The following ZNF398 variants were observed in gnomAD, a reference collection of about 807,000 sequenced individuals.
ZNF398 encodes the protein zinc finger DNA binding protein ZER6.
In ZNF398, 18 loss-of-function variants were observed where a neutral mutation model predicts 41.9. The ratio of observed to expected loss-of-function variants is 0.43; its 90% CI spans 0.30 to 0.64. ZNF398 has a LOEUF of 0.64. Ranked by LOEUF, ZNF398 falls within the 30% of genes least tolerant of loss-of-function variation. The pLI, the probability that ZNF398 is intolerant of heterozygous loss-of-function variation, is 0.14. For synonymous variants in ZNF398, 260 were observed against 308.8 expected (o/e 0.84, Z 1.66); for missense variants, 669 against 822.8 (o/e 0.81, Z 2.29).
At position 149,180,300 on chromosome 7, in the gene ZNF398, G is replaced by T. The variant is rs779059513; in HGVS notation, c.*499G>T. On this transcript the variant is annotated 3_prime_UTR_variant, in exon 6 of 6. Transcript: ENST00000475153. ...AAGTGCTTAAGCCACTGTTTATGTT[G>T]CTGCCTCCTCTCTCAAAACCAGCCA... 109 of 152,820 alleles carry T rather than the reference G, an allele frequency of 7.1e-4. No individual in the cohort carries two copies. The highest frequency in any genetic ancestry group is 1.3e-3 in the Non-Finnish European group (89 of 68,522). The allele number at this position is 152,820 out of a possible 1,614,324, so 9.5% of individuals were successfully genotyped here.
chr7:149,150,634 T>C (rs1827086751), intron 1 of ZNF398, among the ~76,000 whole-genome samples: 1 of 152,112 alleles, frequency 6.6e-6, no homozygotes, highest in Non-Finnish European at 1.5e-5. Context: ...ATCTCAGTTT[T>C]CCTTACAGAC....
chr7:149,128,746 CTG>C (rs1012426911), intron 1 of ZNF398: 8 of 10,214 alleles, frequency 7.8e-4, no homozygotes, highest in Non-Finnish European at 2.1e-3. Flanking sequence ...GAGGGAGACT[CTG>C]TCTCAAAAAA....
intron 4 of ZNF398, among the ~76,000 whole-genome samples, chr7:149,169,535 T>G (rs954676567): frequency 6.6e-6 from 1 of 152,176 alleles, no homozygotes; most frequent in Admixed American, 6.5e-5. Flanking sequence ...CAGTGCAGCC[T>G]GTGCCTCCTG....
intron 2 of ZNF398, among the ~76,000 whole-genome samples, chr7:149,141,326 G>A (rs1456390872): frequency 6.9e-6 from 1 of 145,954 alleles, no homozygotes; most frequent in Non-Finnish European, 1.5e-5. Context: ...ACAGAGTTTC[G>A]CTCTTGTGGC....
In ZNF398 at chr7:149,153,987, C is replaced by T. The variant is rs758874848; in HGVS notation, c.67C>T (p.Leu23Phe). Residue 23 changes from leucine (L) to phenylalanine (F), a missense_variant, in exon 2 of 6, where the codon CTT becomes TTT. Transcript: ENST00000475153. Reference protein sequence around the residue: ...DSECLTSLQPLPLPTPPAANE... With the variant: ...DSECLTSLQPFPLPTPPAANE... ...CGAGTGCCTTACATCCCTGCAGCCC[C>T]TTCCTCTTCCTACACCCCCAGCAGC... is the stretch of plus-strand genomic sequence containing the variant. The T allele has an allele frequency of 1.9e-6, 3 of 1,614,060 alleles. No homozygotes were observed. The highest frequency in any genetic ancestry group is 2.5e-6 in the Non-Finnish European group (3 of 1,179,986).
rs945401760 is a variant in ZNF398, at chr7:149,154,041, A to G, written c.121A>G (p.Ile41Val). The G allele has an allele frequency of 5.0e-6, 8 of 1,614,152 alleles. No individual in the cohort carries two copies. The highest frequency in any genetic ancestry group is 1.7e-5 in the Admixed American group (1 of 60,010). Residue 41 changes from isoleucine (I) to valine (V), a missense_variant, in exon 2 of 6, where the codon ATC becomes GTC. By Grantham distance (29) the Ile-to-Val change is conservative (BLOSUM62 3). This residue lies in a region of ZNF398 where 169 missense variants were observed against 239.5 expected (regional missense o/e 0.71). Coordinates refer to ENST00000475153, the MANE Select transcript of ZNF398 (RefSeq NM_170686.3). Reference protein sequence around the residue: ...ANEAHLQTAAISLWTVVAAVQ... With the variant: ...ANEAHLQTAAVSLWTVVAAVQ... ...TGAGGCACACCTGCAGACAGCAGCT[A>G]TCTCTCTGTGGACAGTGGTGGCCGC... is the stretch of plus-strand genomic sequence containing the variant.
chr7:149,155,160 A>G (rs1458166527), intron 2 of ZNF398, among the ~76,000 whole-genome samples: 1 of 148,544 alleles, frequency 6.7e-6, no homozygotes, highest in Non-Finnish European at 1.5e-5. Context: ...GGTGGCTCAC[A>G]CCTGTAAACC....
At chr7:149,172,332 G>A (rs573315227) in intron 4 of ZNF398, among the ~76,000 whole-genome samples, 11 of 152,252 alleles carry the variant, frequency 7.2e-5, no homozygotes, top group African/African-American at 2.4e-4. Flanking sequence ...CTCATCTGGG[G>A]CGTGAATCAT....
At chr7:149,162,260 T>G (rs1795121795) in intron 2 of ZNF398, among the ~76,000 whole-genome samples, 1 of 151,968 alleles carries the variant, frequency 6.6e-6, no homozygotes, top group African/African-American at 2.4e-5. Context: ...CGGCTCACTG[T>G]AACCTTCGCC....
chr7:149,165,637 A>C (rs1214731480), intron 2 of ZNF398, among the ~76,000 whole-genome samples: 1 of 152,220 alleles, frequency 6.6e-6, no homozygotes, highest in African/African-American at 2.4e-5. Context: ...CATGCCTCCA[A>C]AATCAATCCT....
At chr7:149,153,055 C>T (rs1794888024) in intron 1 of ZNF398, among the ~76,000 whole-genome samples, 2 of 152,132 alleles carry the variant, frequency 1.3e-5, no homozygotes, top group South Asian at 4.2e-4. Flanking sequence ...GACGGGATTT[C>T]ACCATGTTGG....
chr7:149,169,173 A>AC (rs1319745123), intron 4 of ZNF398, among the ~76,000 whole-genome samples: 1 of 152,100 alleles, frequency 6.6e-6, no homozygotes, highest in Non-Finnish European at 1.5e-5. Flanking sequence ...GTTTGTTTTT[A>AC]CCATGGGTTT....
At chr7:149,155,730 AATT>A (rs1303435783) in intron 2 of ZNF398, among the ~76,000 whole-genome samples, 50 of 92,366 alleles carry the variant, frequency 5.4e-4, no homozygotes, top group African/African-American at 2.0e-3. Flanking sequence ...TTTTTTTTTT[AATT>A]TTTTTTTTTT....
At chr7:149,173,863 G>A (rs529806122) in intron 4 of ZNF398, among the ~76,000 whole-genome samples, 65 of 143,146 alleles carry the variant, frequency 4.5e-4, no homozygotes, top group African/African-American at 1.6e-3. Context: ...GCGCTATCTC[G>A]GCTCACCGCA....
intron 2 of ZNF398, among the ~76,000 whole-genome samples, chr7:149,131,268 T>C (rs1322960149): frequency 6.6e-6 from 1 of 152,242 alleles, no homozygotes; most frequent in East Asian, 1.9e-4. Context: ...TATTACGTGC[T>C]AAATTGCCAA....
chr7:149,135,961 A>G (rs954983774), intron 2 of ZNF398, among the ~76,000 whole-genome samples: 3 of 152,122 alleles, frequency 2.0e-5, no homozygotes, highest in African/African-American at 7.2e-5. Flanking sequence ...CCAAAAACTA[A>G]TAACAATAAT....
At position 149,176,587 on chromosome 7, in the gene ZNF398, T is replaced by C; in HGVS notation, c.775+6T>C. On this transcript the variant is annotated splice_donor_region_variant and intron_variant, in intron 5 of 5. Transcript: ENST00000475153. ...GTACAAAAGCACTTATGCTGGTGAG[T>C]ATGAAATTAAAGAGGTGTTCATGTC... The C allele has an allele frequency of 6.3e-7, 1 of 1,582,838 alleles. No homozygotes were observed. Among genetic ancestry groups the C allele is most frequent in the East Asian group, 2.2e-5 (1 of 44,648 alleles).
At chr7:149,160,135 A>G (rs900493196) in intron 2 of ZNF398, among the ~76,000 whole-genome samples, 1 of 152,164 alleles carries the variant, frequency 6.6e-6, no homozygotes, top group African/African-American at 2.4e-5. Context: ...TGTTGGGAAC[A>G]CCAAAAAAAT....
chr7:149,166,977 A>C, intron 4 of ZNF398, 47 bp downstream of exon 4: 1 of 1,404,874 alleles, frequency 7.1e-7, no homozygotes, highest in Non-Finnish European at 9.9e-7. Context: ...TTTCCTGGTC[A>C]GACATGGTGG....
Sources: allele counts gnomAD v4.1 joint callset (sites outside exome capture counted in the v4.1 genomes callset), GRCh38; gene constraint gnomAD v4.1.1; regional missense constraint gnomAD v4.1.1; transcripts MANE v1.5; gene names NCBI Gene and HGNC (gene_info 2026-07-23, HGNC 2026-07-21).